Variants in LRRTM4 observed in about 807,000 individuals in gnomAD.
LRRTM4 encodes the protein leucine rich repeat transmembrane neuronal 4.
Under a neutral mutation model 47.6 loss-of-function variants are expected in LRRTM4, and 25 were observed. That is an observed-to-expected ratio of 0.53 (90% CI 0.38 to 0.73). The LOEUF (loss-of-function observed/expected upper bound fraction) is 0.73, where lower values mean the gene tolerates loss of function less well. LRRTM4 is among the 30% of genes least tolerant of loss of function. The pLI, the probability that LRRTM4 is intolerant of heterozygous loss-of-function variation, is 0.00. For missense variants in LRRTM4, 638 were observed against 713.4 expected (o/e 0.89, Z 1.20); for synonymous variants, 311 against 269.5 (o/e 1.15, Z -1.51).
chr2:76,801,118 A>T, intron 3 of LRRTM4, among the ~76,000 whole-genome samples: 1 of 152,016 alleles, frequency 6.6e-6, no homozygotes, highest in Non-Finnish European at 1.5e-5. Flanking sequence ...TTCCTCAGGG[A>T]TCTGGAACTG....
chr2:77,384,419 T>A (rs77801642), intron 3 of LRRTM4, among the ~76,000 whole-genome samples: 245 of 151,998 alleles, frequency 1.6e-3, no homozygotes, highest in African/African-American at 5.7e-3. Context: ...ATTAGGATAT[T>A]ATAAGAAATA....
At chr2:77,280,591 T>C (rs1676482477) in intron 3 of LRRTM4, among the ~76,000 whole-genome samples, 1 of 151,994 alleles carries the variant, frequency 6.6e-6, no homozygotes, top group Non-Finnish European at 1.5e-5. Flanking sequence ...GGGTGTAATT[T>C]TGAAATTAAA....
Position 77,511,386 on chromosome 2 carries a change from T to C in LRRTM4, c.1551+6932A>G, listed in dbSNP as rs563676082. On this transcript the variant is annotated intron_variant, in intron 3 of 3. Coordinates refer to ENST00000409884, the MANE Select transcript of LRRTM4 (RefSeq NM_001134745.3). ...GAGTGTTTAATCGTATATAGCTGTT[T>C]AAATGAAATATTTCAAAGTTACTGT... Among the ~76,000 whole-genome samples the C allele has an allele frequency of 9.0e-4, 137 of 152,126 alleles. 1 individual carries two copies. Among genetic ancestry groups the C allele is most frequent in the African/African-American group, 3.2e-3 (135 of 41,568 alleles).
chr2:76,870,728 A>T lies in LRRTM4; in HGVS notation c.1552-121812T>A, dbSNP rs138374450. Among the ~76,000 whole-genome samples the T allele has an allele frequency of 1.7e-3, 259 of 152,294 alleles. 2 individuals are homozygous for T. The highest frequency in any genetic ancestry group is 5.9e-3 in the African/African-American group (247 of 41,578). Reference sequence around the variant, plus strand: ...TTCTTCGGTAGAAAAAGTCACAAAAATTCACAGGAGGAAGGGTGAGTCAAT... The same window carrying T: ...TTCTTCGGTAGAAAAAGTCACAAAATTTCACAGGAGGAAGGGTGAGTCAAT... On this transcript the variant is annotated intron_variant, in intron 3 of 3. Transcript: ENST00000409884.
chr2:77,453,176 ATTTTT>A (rs1162461607), intron 3 of LRRTM4, among the ~76,000 whole-genome samples: 17 of 99,498 alleles, frequency 1.7e-4, no homozygotes, highest in African/African-American at 6.2e-4. Context: ...TTTCTTCTTG[ATTTTT>A]TTTTTTTTTT....
chr2:77,400,609 C>T (rs1048361435), intron 3 of LRRTM4, among the ~76,000 whole-genome samples: 1 of 151,810 alleles, frequency 6.6e-6, no homozygotes, highest in Non-Finnish European at 1.5e-5. Context: ...AAAAATATAA[C>T]AGATCATGCC....
intron 3 of LRRTM4, among the ~76,000 whole-genome samples, chr2:77,244,858 A>C (rs1397177551): frequency 6.6e-6 from 1 of 152,146 alleles, no homozygotes; most frequent in African/African-American, 2.4e-5. Flanking sequence ...GTCTCAGCCC[A>C]AAGTTCATGA....
At chr2:77,430,793 G>A (rs991201772) in intron 3 of LRRTM4, among the ~76,000 whole-genome samples, 1 of 148,232 alleles carries the variant, frequency 6.7e-6, no homozygotes, top group Non-Finnish European at 1.5e-5. Context: ...GCATTGTTTT[G>A]AGGTGTATCT....
At chr2:77,373,594 A>T (rs1351217804) in intron 3 of LRRTM4, among the ~76,000 whole-genome samples, 1 of 151,798 alleles carries the variant, frequency 6.6e-6, no homozygotes, top group Non-Finnish European at 1.5e-5. Context: ...GCATCCCCTA[A>T]TGAAAACATC....
intron 3 of LRRTM4, among the ~76,000 whole-genome samples, chr2:77,459,365 C>T (rs371516175): frequency 1.3e-5 from 2 of 152,040 alleles, no homozygotes; most frequent in African/African-American, 4.8e-5. Flanking sequence ...ACACTCAACA[C>T]ATTAAAATTA....
chr2:77,360,467 AATACGATATGATACG>A (rs1404577194), intron 3 of LRRTM4, among the ~76,000 whole-genome samples: 205 of 140,074 alleles, frequency 1.5e-3, no homozygotes, highest in African/African-American at 5.0e-3. Context: ...CAAAAAATAC[AATACGATATGATACG>A]ATACGATACG....
intron 3 of LRRTM4, among the ~76,000 whole-genome samples, chr2:77,385,923 T>TA (rs1558718993): frequency 1.3e-5 from 2 of 151,230 alleles, no homozygotes; most frequent in Non-Finnish European, 1.5e-5. Flanking sequence ...ATTTTTTTTT[T>TA]ATTTTTTATT....
intron 3 of LRRTM4, among the ~76,000 whole-genome samples, chr2:77,417,703 A>C (rs1238174967): frequency 6.6e-6 from 1 of 151,438 alleles, no homozygotes; most frequent in Admixed American, 6.6e-5. Context: ...CATAGGTGGG[A>C]ATTGAACAAT....
At chr2:77,346,840 C>T (rs1037769963) in intron 3 of LRRTM4, among the ~76,000 whole-genome samples, 1 of 151,764 alleles carries the variant, frequency 6.6e-6, no homozygotes, top group Non-Finnish European at 1.5e-5. Flanking sequence ...AAAAAAGTTA[C>T]AGAATAAAAG....
At chr2:77,049,097 T>C (rs1326795482) in intron 3 of LRRTM4, among the ~76,000 whole-genome samples, 1 of 140,336 alleles carries the variant, frequency 7.1e-6, no homozygotes, top group Non-Finnish European at 1.5e-5. Context: ...GTTTGTTTTT[T>C]TTTGACTAAA....
chr2:77,382,177 A>G (rs1673080558), intron 3 of LRRTM4, among the ~76,000 whole-genome samples: 1 of 152,110 alleles, frequency 6.6e-6, no homozygotes, highest in South Asian at 2.1e-4. Flanking sequence ...CCTATGGCAT[A>G]CATAAAAATA....
chr2:77,357,379 T>C (rs772610813), intron 3 of LRRTM4, among the ~76,000 whole-genome samples: 13 of 152,200 alleles, frequency 8.5e-5, no homozygotes, highest in Non-Finnish European at 1.5e-4. Flanking sequence ...TGGAACATTC[T>C]ATAGAAAATA....
chr2:77,299,931 A>C (rs1223703787), intron 3 of LRRTM4, among the ~76,000 whole-genome samples: 1 of 145,748 alleles, frequency 6.9e-6, no homozygotes, highest in African/African-American at 2.6e-5. Context: ...GGCTCACTGC[A>C]ACCTCCGCCT....
At chr2:77,067,887 T>C (rs957921852) in intron 3 of LRRTM4, among the ~76,000 whole-genome samples, 1 of 152,000 alleles carries the variant, frequency 6.6e-6, no homozygotes, top group East Asian at 1.9e-4. Context: ...ATAAAACTAA[T>C]CTTGATGACC....
Sources: allele counts gnomAD v4.1 joint callset (sites outside exome capture counted in the v4.1 genomes callset), GRCh38; gene constraint gnomAD v4.1.1; transcripts MANE v1.5; gene names NCBI Gene and HGNC (gene_info 2026-07-23, HGNC 2026-07-21).